SLC39A11: variants seen among roughly 807,000 people sequenced by gnomAD.
SLC39A11 encodes solute carrier family 39 member 11, also known as zinc transporter ZIP11.
SLC39A11 carries 33 observed loss-of-function variants against 36.1 expected under a neutral mutation model. That is an observed-to-expected ratio of 0.91 (90% confidence interval 0.69 to 1.22). The LOEUF (loss-of-function observed/expected upper bound fraction) is 1.22. Ranked by LOEUF, SLC39A11 falls within the 50% of genes most tolerant of loss-of-function variation. SLC39A11 has a pLI of 0.00. For synonymous variants in SLC39A11, 166 were observed against 170.3 expected, an observed-to-expected ratio of 0.97 and a Z score of 0.20; for missense variants, 432 against 430.3, an observed-to-expected ratio of 1.00 and a Z score of -0.03.
intron 3 of SLC39A11, among the ~76,000 whole-genome samples, chr17:73,045,754 T>C (rs376187557): frequency 6.6e-6 from 1 of 152,188 alleles, no homozygotes; most frequent in African/African-American, 2.4e-5. Flanking sequence ...TTTGCCAAAA[T>C]TGTTAACTCC....
chr17:72,652,374 G>A (rs548364055), intron 7 of SLC39A11, among the ~76,000 whole-genome samples: 123 of 152,316 alleles, frequency 8.1e-4, no homozygotes, highest in African/African-American at 2.8e-3. Context: ...TCCAAATCCT[G>A]GGTCTGTGCT....
At chr17:72,691,178 G>A (rs182054678) in intron 7 of SLC39A11, among the ~76,000 whole-genome samples, 46 of 152,274 alleles carry the variant, frequency 3.0e-4, no homozygotes, top group African/African-American at 7.9e-4. Context: ...GAACAACCCC[G>A]AGGGTGATTC....
intron 5 of SLC39A11, among the ~76,000 whole-genome samples, chr17:72,914,272 T>C (rs950036367): frequency 6.8e-6 from 1 of 147,436 alleles, no homozygotes; most frequent in Non-Finnish European, 1.5e-5. Flanking sequence ...GACGAGATCG[T>C]GCCACTATAC....
At chr17:72,825,862 A>G (rs1054307337) in intron 6 of SLC39A11, among the ~76,000 whole-genome samples, 2 of 152,318 alleles carry the variant, frequency 1.3e-5, no homozygotes, top group Non-Finnish European at 2.9e-5. Flanking sequence ...CCATCACTGT[A>G]TCTTAGAAGT....
intron 4 of SLC39A11, among the ~76,000 whole-genome samples, chr17:72,969,232 T>C (rs995233516): frequency 2.6e-5 from 4 of 152,054 alleles, no homozygotes; most frequent in Admixed American, 2.0e-4. Context: ...GAGACCAAAA[T>C]GAAGCCAGCT....
chr17:72,647,332 G>A lies in SLC39A11; in HGVS notation c.*252C>T. 3.1e-6 allele frequency: 1 copy of A among 320,310 alleles called. No homozygotes were observed. Among genetic ancestry groups the A allele is most frequent in the Non-Finnish European group, 5.8e-6 (1 of 173,188 alleles). The allele number at this position is 320,310 out of a possible 1,614,324, so 19.8% of individuals were successfully genotyped here. A position where few individuals can be genotyped will look rare whatever the true frequency, so the allele number is the denominator to read the frequency against. On this transcript the variant is annotated 3_prime_UTR_variant, in exon 10 of 10. Transcript: ENST00000255559. ...AGTTCCTTGATAATCCCACTGAAGA[G>A]AGAGTCCATTCAGTGGCCAAAACAA...
intron 7 of SLC39A11, among the ~76,000 whole-genome samples, chr17:72,650,233 AG>A (rs2069789603): frequency 6.6e-6 from 1 of 152,190 alleles, no homozygotes; most frequent in Admixed American, 6.5e-5. Flanking sequence ...CTGCCTCTGC[AG>A]GACAGTGACA....
rs1375726687 is a variant in SLC39A11 at position 72,646,229 on chromosome 17, A to T, written c.*1355T>A. The T allele has an allele frequency of 6.6e-6, 1 of 152,620 alleles. No homozygotes were observed. The highest frequency in any genetic ancestry group is 1.5e-5 in the Non-Finnish European group (1 of 68,028). The allele number at this position is 152,620 out of a possible 1,614,324, so 9.5% of individuals were successfully genotyped here. On this transcript the variant is annotated 3_prime_UTR_variant, in exon 10 of 10. Transcript: ENST00000255559. ...GAGATTCACCCTTGGAAGCAATTGAATGTGTAAACTCTGAGAGCAGACACT... is the reference window on the plus strand; with the variant it reads ...GAGATTCACCCTTGGAAGCAATTGATTGTGTAAACTCTGAGAGCAGACACT...
chr17:72,961,177 G>A (rs1169145596), intron 4 of SLC39A11, among the ~76,000 whole-genome samples: 1 of 152,158 alleles, frequency 6.6e-6, no homozygotes, highest in Non-Finnish European at 1.5e-5. Context: ...GGATAAGGCT[G>A]GAAAGAAATA....
chr17:72,672,806 G>A (rs76375210), intron 7 of SLC39A11, among the ~76,000 whole-genome samples: 2,478 of 152,090 alleles, frequency 0.016, 63 homozygotes, highest in African/African-American at 0.056. Context: ...TCACTATGCC[G>A]CTCAGGCTGA....
intron 5 of SLC39A11, among the ~76,000 whole-genome samples, chr17:72,867,432 G>A (rs1257011993): frequency 5.3e-5 from 8 of 152,214 alleles, no homozygotes; most frequent in South Asian, 2.1e-4. Flanking sequence ...CCCAGGAGGC[G>A]GAGGTTGCGG....
chr17:72,675,703 G>A lies in SLC39A11; in HGVS notation c.672-26435C>T, dbSNP rs149943129. 5.4e-4 allele frequency among the ~76,000 whole-genome samples: 82 copies of A among 152,296 alleles called. 2 individuals carry two copies. The highest frequency in any genetic ancestry group is 1.8e-3 in the African/African-American group (76 of 41,562). On this transcript the variant is annotated intron_variant, in intron 7 of 9. Transcript: ENST00000255559. ...CCAGATGTCCCAATTGTGTGTGTAA[G>A]ATGGTGTTTCACTCTTGTTGCCCAG...
intron 7 of SLC39A11, among the ~76,000 whole-genome samples, chr17:72,717,047 T>C (rs1231976791): frequency 6.8e-6 from 1 of 147,052 alleles, no homozygotes; most frequent in Non-Finnish European, 1.5e-5. Context: ...AAAATATATA[T>C]ACACATATAT....
intron 7 of SLC39A11, among the ~76,000 whole-genome samples, chr17:72,701,124 A>G (rs1423408376): frequency 3.3e-5 from 5 of 152,228 alleles, no homozygotes; most frequent in African/African-American, 4.8e-5. Flanking sequence ...CAGAGCTGGG[A>G]AACTTTGGAA....
intron 6 of SLC39A11, chr17:72,838,114 G>A (rs1042636198): frequency 1.5e-5 from 7 of 464,236 alleles, no homozygotes; most frequent in Non-Finnish European, 2.4e-5. Context: ...CAACACCCTT[G>A]TCTCTACTGG....
At chr17:72,850,973 A>G (rs11657936) in intron 5 of SLC39A11, among the ~76,000 whole-genome samples, 79,308 of 151,820 alleles carry the variant, frequency 0.52, 21,206 homozygotes, top group Middle Eastern at 0.58. Flanking sequence ...CGTGCAAGCT[A>G]AATCTGAAAA....
chr17:72,875,952 C>T (rs1463532600), intron 5 of SLC39A11, among the ~76,000 whole-genome samples: 1 of 152,160 alleles, frequency 6.6e-6, no homozygotes, highest in African/African-American at 2.4e-5. Context: ...ATGGCAATGA[C>T]CCAATGACCC....
At position 73,039,023 on chromosome 17, in the gene SLC39A11, A is replaced by G. The variant is rs76652788; in HGVS notation, c.148-7309T>C. On this transcript the variant is annotated intron_variant, in intron 3 of 9. Transcript: ENST00000255559. ...GTCCATATTTATTATGGGAAAATGC[A>G]GGACTTAGAATCAAGTCCGAGTTTG... is the stretch of plus-strand genomic sequence containing the variant. Among the ~76,000 whole-genome samples, 376 of 152,260 alleles carry G rather than the reference A, an allele frequency of 2.5e-3. 5 individuals are homozygous for G. In the South Asian group the frequency reaches 0.029, roughly 12 times the overall value.
intron 4 of SLC39A11, among the ~76,000 whole-genome samples, chr17:72,962,570 TCTGTTGCCCAGGC>T (rs1449338789): frequency 6.6e-6 from 1 of 152,092 alleles, no homozygotes; most frequent in African/African-American, 2.4e-5. Context: ...GAAGTCTTGC[TCTGTTGCCCAGGC>T]TGGAGTACAG....
Sources: allele counts gnomAD v4.1 joint callset (sites outside exome capture counted in the v4.1 genomes callset), GRCh38; gene constraint gnomAD v4.1.1; transcripts MANE v1.5; gene names NCBI Gene and HGNC (gene_info 2026-07-23, HGNC 2026-07-21).